Variants in ZC3H7A observed in about 807,000 individuals in gnomAD.
ZC3H7A encodes zinc finger CCCH-type containing 7A.
ZC3H7A carries 44 observed loss-of-function variants against 125.5 expected under a neutral mutation model. The observed-to-expected ratio is 0.35, with a 90% CI of 0.28 to 0.45. The LOEUF is 0.45. Among genes scored for constraint, ZC3H7A ranks in the 20% least tolerant of loss-of-function variants. The pLI, the probability that ZC3H7A is intolerant of heterozygous loss-of-function variation, is 1.00. For synonymous variants in ZC3H7A, 399 were observed against 391.2 expected, an observed-to-expected ratio of 1.02 and a Z score of -0.23; for missense variants, 977 against 1,170.7, an observed-to-expected ratio of 0.83 and a Z score of 2.41.
intron 1 of ZC3H7A, among the ~76,000 whole-genome samples, chr16:11,794,246 C>A (rs2053398226): frequency 6.6e-6 from 1 of 152,206 alleles, no homozygotes; most frequent in South Asian, 2.1e-4. Context: ...ACCAAATGTG[C>A]CAGATTAATG....
rs755363712 is a variant in ZC3H7A at position 11,768,347 on chromosome 16, C to A, written c.1328G>T (p.Arg443Ile). Residue 443 changes from arginine to isoleucine, a missense_variant, in exon 12 of 23, where the codon AGA becomes ATA. Physicochemically the swap from Arg to Ile is moderately conservative, Grantham distance 97. This residue lies in a region of ZC3H7A where 342 missense variants were observed against 311.3 expected (regional missense o/e 1.10). Transcript: ENST00000355758. Reference sequence around the variant, plus strand: ...TACAAAACAGATCTGGCAAGCTTGTCTCAATTCATGGGTTCCTTCGAGGGG... The same window carrying A: ...TACAAAACAGATCTGGCAAGCTTGTATCAATTCATGGGTTCCTTCGAGGGG... ...RHPLEGTHELRQACQICFVKS... is the reference protein window; with the variant it reads ...RHPLEGTHELIQACQICFVKS... 5 of 1,575,176 alleles carry A rather than the reference C, an allele frequency of 3.2e-6. No homozygotes were observed. In the African/African-American group the frequency reaches 6.7e-5, roughly 21 times the overall value.
chr16:11,791,678 AG>A (rs1345110842), intron 1 of ZC3H7A, among the ~76,000 whole-genome samples: 1 of 152,224 alleles, frequency 6.6e-6, no homozygotes, highest in Non-Finnish European at 1.5e-5. Flanking sequence ...GTGAAGAAGG[AG>A]GGTGCCCAGC....
intron 9 of ZC3H7A, among the ~76,000 whole-genome samples, chr16:11,772,057 G>A (rs145405319): frequency 1.1e-3 from 164 of 151,994 alleles, no homozygotes; most frequent in Middle Eastern, 3.4e-3. Flanking sequence ...TTAGCCGGGC[G>A]TGGTAGCGGG....
chr16:11,752,999 C>T lies in ZC3H7A; in HGVS notation c.2563-167G>A. 5.4e-6 allele frequency: 4 copies of T among 734,414 alleles called. No homozygotes were observed. In the South Asian group the frequency reaches 8.0e-5, roughly 15 times the overall value. The allele number at this position is 734,414 out of a possible 1,614,324, so 45.5% of individuals were successfully genotyped here. A position where few individuals can be genotyped will look rare whatever the true frequency, so the allele number is the denominator to read the frequency against. On this transcript the variant is annotated intron_variant, in intron 21 of 22. Transcript: ENST00000355758. ...TGGGGAAGCAAGCCAGCACTCAGGA[C>T]ACAGAGAAGAAGGGTGACAAATGCT...
At chr16:11,791,236 C>A (rs944457118) in intron 1 of ZC3H7A, among the ~76,000 whole-genome samples, 1 of 152,058 alleles carries the variant, frequency 6.6e-6, no homozygotes, top group Admixed American at 6.6e-5. Context: ...CCCCAAGCCA[C>A]GCAGCTCCTG....
rs2053186370 is a variant in ZC3H7A at position 11,782,369 on chromosome 16, C to T, written c.-15G>A. 1.2e-6 allele frequency: 2 copies of T among 1,613,904 alleles called. No homozygotes were observed. Among genetic ancestry groups the T allele is most frequent in the African/African-American group, 1.3e-5 (1 of 74,916 alleles). ...ACATTGGACATGTTATCCCACACAT[C>T]CACTTTCTAAATGAGCAATCTGGAA... On this transcript the variant is annotated 5_prime_UTR_variant, in exon 2 of 23. Coordinates refer to ENST00000355758, the MANE Select transcript of ZC3H7A (RefSeq NM_014153.4).
intron 9 of ZC3H7A, 116 bp downstream of exon 9, chr16:11,774,120 A>G: frequency 9.7e-7 from 1 of 1,035,698 alleles, no homozygotes; most frequent in African/African-American, 1.7e-5. Context: ...TTCAAGGTTA[A>G]AAAAACCCCC....
At chr16:11,789,843 G>A (rs1011802645) in intron 1 of ZC3H7A, among the ~76,000 whole-genome samples, 7 of 151,918 alleles carry the variant, frequency 4.6e-5, no homozygotes, top group African/African-American at 1.7e-4. Context: ...CACTTTGGGA[G>A]GCCGAGGCAG....
At chr16:11,778,436 CAA>C (rs754842530) in intron 4 of ZC3H7A, among the ~76,000 whole-genome samples, 3,507 of 73,856 alleles carry the variant, frequency 0.047, 21 homozygotes, top group East Asian at 0.16. Flanking sequence ...GACACTGTCT[CAA>C]AAAAAAAAAA....
intron 20 of ZC3H7A, among the ~76,000 whole-genome samples, chr16:11,756,919 C>T (rs1327368628): frequency 1.3e-5 from 2 of 152,222 alleles, no homozygotes; most frequent in Non-Finnish European, 2.9e-5. Context: ...ACAACCATGA[C>T]CAAGTCCTGG....
In ZC3H7A at chr16:11,763,560, C is replaced by A. The variant is rs772293041; in HGVS notation, c.1920G>T (p.Arg640=). The part of the protein sequence containing the change: ...CQLDLCRHEV[R]YGCLREDECF... ...ACTCATCTTCCCTTAAACAGCCATA[C>A]CGAACTTCATGTCGACATAAATCAA... Residue 640 remains arginine, a synonymous_variant, in exon 16 of 23, where the codon CGG becomes CGT. Coordinates refer to ENST00000355758, the MANE Select transcript of ZC3H7A (RefSeq NM_014153.4). The A allele has an allele frequency of 6.2e-7, 1 of 1,611,728 alleles. No homozygotes were observed. The highest frequency in any genetic ancestry group is 1.1e-5 in the South Asian group (1 of 90,698).
chr16:11,753,047 G>A (rs921600038), intron 21 of ZC3H7A: 12 of 524,660 alleles, frequency 2.3e-5, no homozygotes, highest in Non-Finnish European at 3.0e-5. Flanking sequence ...GGAAATCTCC[G>A]GTAAAGAGGC....
At position 11,765,523 on chromosome 16, in the gene ZC3H7A, T is replaced by A. The variant is rs2052840381; in HGVS notation, c.1685A>T (p.Gln562Leu). Residue 562 changes from glutamine (Q) to leucine (L), a missense_variant, in exon 14 of 23, where the codon CAG (glutamine) becomes CTG (leucine). Physicochemically the swap from Gln to Leu is moderately radical, Grantham distance 113. Transcript: ENST00000355758. The surrounding 1 kb of genome is among the most constrained non-coding windows in gnomAD (Gnocchi z 4.8). ...GAATATAAATTCCCCAAGATGCTCCTGGAGAAGTTTGAACACAGTAAGGTT... is the reference window on the plus strand; with the variant it reads ...GAATATAAATTCCCCAAGATGCTCCAGGAGAAGTTTGAACACAGTAAGGTT... ...KINLTVFKLLQEHLGEFIFLC... is the reference protein window; with the variant it reads ...KINLTVFKLLLEHLGEFIFLC... The A allele has an allele frequency of 6.2e-7, 1 of 1,613,778 alleles. No homozygotes were observed.
chr16:11,754,618 ACGGTGGC>A (rs1313212795), intron 21 of ZC3H7A, among the ~76,000 whole-genome samples: 2 of 152,106 alleles, frequency 1.3e-5, no homozygotes, highest in African/African-American at 4.8e-5. Context: ...GTAGCTGGGC[ACGGTGGC>A]TCACGCCTGT....
chr16:11,784,586 T>C (rs941403485), intron 1 of ZC3H7A, among the ~76,000 whole-genome samples: 1 of 152,016 alleles, frequency 6.6e-6, no homozygotes, highest in Admixed American at 6.6e-5. Context: ...CCGGGCGCAG[T>C]GGCTCGCGCC....
At chr16:11,767,278 C>T (rs1007024916) in intron 13 of ZC3H7A, 139 bp downstream of exon 13, 1 of 695,350 alleles carries the variant, frequency 1.4e-6, no homozygotes, top group Non-Finnish European at 2.2e-6. Flanking sequence ...TCGTCGGCTA[C>T]ACCATCGAGG....
rs140209250 is a variant in ZC3H7A, at chr16:11,776,461, G to A, written c.537C>T (p.Val179=). Reference sequence around the variant, plus strand: ...GAGAACTCCAGCTTACCTCAGCTCTGACATACGCTTTTCTTATTTTAAATC... The same window carrying A: ...GAGAACTCCAGCTTACCTCAGCTCTAACATACGCTTTTCTTATTTTAAATC... ...KLGFKIRKAY[V]RAELSLKSVP... The change falls in exon 6 of 23, where the codon GTC becomes GTT. Residue 179 remains valine, a synonymous_variant. Transcript: ENST00000355758. 1.2e-6 allele frequency: 2 copies of A among 1,611,532 alleles called. No homozygotes were observed. The highest frequency in any genetic ancestry group is 3.4e-5 in the Admixed American group (2 of 59,522).
intron 3 of ZC3H7A, among the ~76,000 whole-genome samples, chr16:11,780,763 C>A (rs533787481): frequency 6.6e-6 from 1 of 152,008 alleles, no homozygotes; most frequent in Admixed American, 6.6e-5. Context: ...AGCCTCAAAA[C>A]CCTCAGAGGA....
rs34038330 is a variant in ZC3H7A at position 11,768,520 on chromosome 16, G to GAAA, written c.1174-22_1174-20dup. On this transcript the variant is annotated intron_variant, in intron 11 of 22. Coordinates refer to ENST00000355758, the MANE Select transcript of ZC3H7A (RefSeq NM_014153.4). ...CATTCATCTGCAAGAAAAATAAGAA[G>GAAA]AAAAAAAAAAAAAACAGCCAACAAA... 1.9e-3 allele frequency: 2,178 copies of GAAA among 1,144,100 alleles called. 5 individuals are homozygous for GAAA. Among genetic ancestry groups the GAAA allele is most frequent in the African/African-American group, 0.013 (749 of 59,692 alleles). 70.9% of individuals were successfully genotyped at this position (1,144,100 alleles called of 1,614,324 possible).
Sources: gnomAD v4.1 joint callset for allele counts (sites outside exome capture counted in the v4.1 genomes callset) on GRCh38, gnomAD v4.1.1 for gene constraint, gnomAD v4.1.1 regional missense constraint, Gnocchi (gnomAD v3.1) non-coding constraint, MANE v1.5 for transcripts, NCBI Gene and HGNC (gene_info 2026-07-23, HGNC 2026-07-21) for gene names.